The following CDC42BPA variants were observed in gnomAD, a reference collection of about 807,000 sequenced individuals.
The protein encoded by CDC42BPA is CDC42 binding protein kinase alpha.
In CDC42BPA, 80 loss-of-function variants were observed where a neutral mutation model predicts 223.5. The ratio of observed to expected loss-of-function variants is 0.36; its 90% CI spans 0.30 to 0.43. The LOEUF is 0.43. Ranked by LOEUF, CDC42BPA falls within the 20% of genes least tolerant of loss-of-function variation. The pLI is 1.00. For missense variants in CDC42BPA, 1,743 were observed against 2,099.9 expected (o/e 0.83, Z 3.32); for synonymous variants, 694 against 718.6 (o/e 0.97, Z 0.55).
chr1:227,226,999 G>C (rs892454225), intron 2 of CDC42BPA, among the ~76,000 whole-genome samples: 1 of 152,044 alleles, frequency 6.6e-6, no homozygotes, highest in Admixed American at 6.6e-5. Flanking sequence ...AAAACTCAAG[G>C]AGTCAAGAGA....
intron 1 of CDC42BPA, among the ~76,000 whole-genome samples, chr1:227,261,347 T>G (rs1684033923): frequency 1.3e-5 from 2 of 150,552 alleles, no homozygotes; most frequent in Admixed American, 1.3e-4. Flanking sequence ...AACTCCTGAC[T>G]TCAGGTGATC....
At chr1:227,106,097 CCTA>C (rs1363257742) in intron 14 of CDC42BPA, among the ~76,000 whole-genome samples, 1 of 152,088 alleles carries the variant, frequency 6.6e-6, no homozygotes, top group Non-Finnish European at 1.5e-5. Context: ...CTTGTTAAGA[CCTA>C]CTTTCTTTTT....
At chr1:227,187,934 G>A (rs1488921917) in intron 5 of CDC42BPA, among the ~76,000 whole-genome samples, 4 of 151,664 alleles carry the variant, frequency 2.6e-5, no homozygotes, top group Non-Finnish European at 5.9e-5. Context: ...CTTCAAAAGT[G>A]AAAGAGAAAT....
chr1:227,240,870 A>G (rs184140555), intron 2 of CDC42BPA, among the ~76,000 whole-genome samples: 13 of 152,128 alleles, frequency 8.5e-5, no homozygotes, highest in Non-Finnish European at 1.6e-4. Flanking sequence ...ACTGTAATAG[A>G]AAACAATTGA....
intron 30 of CDC42BPA, among the ~76,000 whole-genome samples, chr1:227,026,660 T>C (rs1052075289): frequency 3.3e-5 from 5 of 152,200 alleles, no homozygotes; most frequent in African/African-American, 1.2e-4. Flanking sequence ...AAAGATTCAA[T>C]GGTTTACTTA....
chr1:227,132,920 A>G (rs1477875765), intron 10 of CDC42BPA, among the ~76,000 whole-genome samples: 4 of 147,314 alleles, frequency 2.7e-5, no homozygotes, highest in Non-Finnish European at 6.0e-5. Context: ...AGAGGTGAGG[A>G]GCCCCTCCGC....
chr1:227,291,997 T>C (rs1430641610), intron 1 of CDC42BPA, among the ~76,000 whole-genome samples: 2 of 152,208 alleles, frequency 1.3e-5, no homozygotes, highest in Non-Finnish European at 2.9e-5. Context: ...ATTTTTTTTT[T>C]TTTCAGACGG....
rs116769368 is a variant in CDC42BPA at position 227,004,767 on chromosome 1, G to A, written c.4975+227C>T. 788 of 604,646 alleles carry A rather than the reference G, an allele frequency of 1.3e-3. 4 individuals carry two copies. The African/African-American group carries it at 0.013, about 10-fold the overall frequency. 37.5% of individuals were successfully genotyped at this position (604,646 alleles called of 1,614,324 possible). A position where few individuals can be genotyped will look rare whatever the true frequency, so the allele number is the denominator to read the frequency against. On this transcript the variant is annotated intron_variant, in intron 35 of 36. Transcript: ENST00000366766. ...ATCATCACAATTTGTAATCATATTTGTCTGTCTCCCAGATGGCCTGTACAC... is the reference window on the plus strand; with the variant it reads ...ATCATCACAATTTGTAATCATATTTATCTGTCTCCCAGATGGCCTGTACAC...
chr1:227,074,961 A>C (rs1451955426), intron 17 of CDC42BPA, among the ~76,000 whole-genome samples: 3 of 152,222 alleles, frequency 2.0e-5, no homozygotes, highest in Non-Finnish European at 4.4e-5. Context: ...AATTTTAGAC[A>C]GAAAGTTTTC....
intron 10 of CDC42BPA, among the ~76,000 whole-genome samples, chr1:227,137,410 T>G (rs1401508979): frequency 1.3e-5 from 2 of 152,100 alleles, no homozygotes; most frequent in African/African-American, 4.8e-5. Flanking sequence ...ACATTATTAG[T>G]AGAACTATAT....
Position 227,112,869 on chromosome 1 carries a change from C to G in CDC42BPA, c.1692G>C (p.Glu564Asp), listed in dbSNP as rs759486214. Reference sequence around the variant, plus strand: ...TCCTCTGACAGTGTGCGTCTTTCAGCTCTTTGGATTGGTTTTTTAATCGCT... The same window carrying G: ...TCCTCTGACAGTGTGCGTCTTTCAGGTCTTTGGATTGGTTTTTTAATCGCT... Reference protein sequence around the residue: ...ASERLKNQSKELKDAHCQRKL... With the variant: ...ASERLKNQSKDLKDAHCQRKL... Residue 564 changes from glutamate (E) to aspartate (D), a missense_variant, in exon 13 of 37, where the codon GAG (glutamate) becomes GAC (aspartate). By Grantham distance (45) the Glu-to-Asp change is conservative. Around this residue, in one of 6 missense-constraint regions of CDC42BPA, gnomAD observed 464 missense variants for 488.0 expected, o/e 0.95. Transcript: ENST00000366766. The G allele has an allele frequency of 1.8e-5, 29 of 1,614,002 alleles. No homozygotes were observed. The highest frequency in any genetic ancestry group is 2.5e-5 in the Non-Finnish European group (29 of 1,179,942).
At chr1:227,249,348 A>G (rs893609524) in intron 2 of CDC42BPA, among the ~76,000 whole-genome samples, 13 of 152,256 alleles carry the variant, frequency 8.5e-5, no homozygotes, top group African/African-American at 3.1e-4. Flanking sequence ...AACATTGGTG[A>G]AAATCTCCAG....
chr1:227,226,670 G>A (rs1676919426), intron 2 of CDC42BPA, among the ~76,000 whole-genome samples: 1 of 152,154 alleles, frequency 6.6e-6, no homozygotes, highest in South Asian at 2.1e-4. Flanking sequence ...ATTGACTTTT[G>A]TTGATGTTTT....
chr1:227,246,063 G>A (rs1272751737), intron 2 of CDC42BPA, among the ~76,000 whole-genome samples: 1 of 152,154 alleles, frequency 6.6e-6, no homozygotes, highest in Non-Finnish European at 1.5e-5. Context: ...GGGCCAGAGG[G>A]GGGCCCACTG....
rs150517199 is a variant in CDC42BPA at position 227,294,889 on chromosome 1, G to A, written c.178+22116C>T. ...AAAAAAAAAAAAAAAAAAAAAAAGA[G>A]GTTAATTAACTTGCACTAGATCACT... On this transcript the variant is annotated intron_variant, in intron 1 of 36. Coordinates refer to ENST00000366766, the MANE Select transcript of CDC42BPA (RefSeq NM_001394014.1). Among the ~76,000 whole-genome samples the A allele has an allele frequency of 3.7e-3, 395 of 106,124 alleles. 48 individuals are homozygous for A. In the East Asian group the frequency reaches 0.068, roughly 18 times the overall value. The allele number at this position is 106,124 out of a possible 152,430, so 69.6% of individuals were successfully genotyped here.
At chr1:227,248,066 GA>G (rs1408730880) in intron 2 of CDC42BPA, among the ~76,000 whole-genome samples, 1 of 151,788 alleles carries the variant, frequency 6.6e-6, no homozygotes, top group Non-Finnish European at 1.5e-5. Flanking sequence ...ACAAAAGAAT[GA>G]AAAAGAATGA....
chr1:227,114,349 A>G (rs1317508250), intron 12 of CDC42BPA, among the ~76,000 whole-genome samples: 1 of 151,990 alleles, frequency 6.6e-6, no homozygotes, highest in East Asian at 1.9e-4. Flanking sequence ...TTAAAATTAT[A>G]TACCCCAAAA....
intron 3 of CDC42BPA, among the ~76,000 whole-genome samples, chr1:227,204,211 T>C (rs1486484078): frequency 6.6e-6 from 1 of 152,210 alleles, no homozygotes; most frequent in African/African-American, 2.4e-5. Context: ...AGTATTACCA[T>C]GGCATCAATT....
intron 1 of CDC42BPA, among the ~76,000 whole-genome samples, chr1:227,256,109 A>G (rs975510109): frequency 3.3e-5 from 5 of 152,232 alleles, no homozygotes; most frequent in Non-Finnish European, 7.3e-5. Context: ...AAGTTTTAAT[A>G]AACATTTCTC....
Sources: gnomAD v4.1 joint callset for allele counts (sites outside exome capture counted in the v4.1 genomes callset) on GRCh38, gnomAD v4.1.1 for gene constraint, gnomAD v4.1.1 regional missense constraint, MANE v1.5 for transcripts, NCBI Gene and HGNC (gene_info 2026-07-23, HGNC 2026-07-21) for gene names.